The following FAM227B variants were observed in gnomAD, a reference collection of about 807,000 sequenced individuals.
FAM227B encodes the protein family with sequence similarity 227 member B, also known as protein FAM227B.
A neutral mutation model predicts 73.8 loss-of-function variants in FAM227B; 88 were observed. That is an observed-to-expected ratio of 1.19 (90% CI 1.00 to 1.42). The LOEUF is 1.42. FAM227B is among the 40% of genes most tolerant of loss of function. The pLI is 0.00. For missense variants in FAM227B, 632 were observed against 590.9 expected (o/e 1.07, Z -0.72); for synonymous variants, 210 against 190.5 (o/e 1.10, Z -0.84).
chr15:49,516,535 A>T (rs2059389595), intron 10 of FAM227B, among the ~76,000 whole-genome samples: 1 of 152,004 alleles, frequency 6.6e-6, no homozygotes, highest in South Asian at 2.1e-4. Flanking sequence ...TTTTTGGTAG[A>T]AGGGAGGGAG....
At position 49,335,598 on chromosome 15, in the gene FAM227B, T is replaced by C. The variant is rs1374869208; in HGVS notation, c.1272-102A>G. On this transcript the variant is annotated intron_variant, in intron 13 of 15. Coordinates refer to ENST00000299338, the MANE Select transcript of FAM227B (RefSeq NM_152647.3). Reference sequence around the variant, plus strand: ...CAAGGGGACCGTGTGACCTTCACTTTTCAGTAATGAAGAGTCTCAAGTATA... The same window carrying C: ...CAAGGGGACCGTGTGACCTTCACTTCTCAGTAATGAAGAGTCTCAAGTATA... 15 of 744,516 alleles carry C rather than the reference T, an allele frequency of 2.0e-5. No homozygotes were observed. In the East Asian group the frequency reaches 3.8e-4, roughly 19 times the overall value. The allele number at this position is 744,516 out of a possible 1,614,324, so 46.1% of individuals were successfully genotyped here.
chr15:49,406,407 T>G (rs979436579), intron 11 of FAM227B, among the ~76,000 whole-genome samples: 1 of 152,056 alleles, frequency 6.6e-6, no homozygotes, highest in Non-Finnish European at 1.5e-5. Context: ...TGCAGGCGGT[T>G]GCACTGTTGA....
intron 10 of FAM227B, among the ~76,000 whole-genome samples, chr15:49,532,346 C>A (rs992982134): frequency 2.6e-5 from 4 of 151,618 alleles, no homozygotes; most frequent in African/African-American, 9.7e-5. Flanking sequence ...AAACTCATAG[C>A]CTTGATTCTT....
At chr15:49,388,915 T>G (rs2047041070) in intron 11 of FAM227B, among the ~76,000 whole-genome samples, 1 of 151,884 alleles carries the variant, frequency 6.6e-6, no homozygotes, top group African/African-American at 2.4e-5. Context: ...ACCAGGGAAG[T>G]GCAAATTAAA....
At chr15:49,393,622 A>G (rs551608122) in intron 11 of FAM227B, among the ~76,000 whole-genome samples, 15 of 152,232 alleles carry the variant, frequency 9.9e-5, no homozygotes, top group Admixed American at 3.3e-4. Context: ...TTCTCAGTGA[A>G]TGAGAAATTA....
At chr15:49,534,642 A>G (rs2060874338) in intron 10 of FAM227B, among the ~76,000 whole-genome samples, 2 of 151,930 alleles carry the variant, frequency 1.3e-5, no homozygotes, top group African/African-American at 2.4e-5. Flanking sequence ...CAACAGCAGT[A>G]GATCACACAT....
chr15:49,549,049 G>T (rs1257841879), intron 9 of FAM227B, among the ~76,000 whole-genome samples: 1 of 151,622 alleles, frequency 6.6e-6, no homozygotes, highest in African/African-American at 2.4e-5. Context: ...CTAATTTTGG[G>T]TTTGGTTTGC....
At chr15:49,344,913 A>T (rs1350026443) in intron 13 of FAM227B, among the ~76,000 whole-genome samples, 1 of 152,206 alleles carries the variant, frequency 6.6e-6, no homozygotes, top group East Asian at 1.9e-4. Context: ...AGCTGCAGAA[A>T]ATTGAATATT....
rs755556675 is a variant in FAM227B at position 49,483,268 on chromosome 15, A to G, written c.1012+24943T>C. On this transcript the variant is annotated intron_variant, in intron 11 of 15. Coordinates refer to ENST00000299338, the MANE Select transcript of FAM227B (RefSeq NM_152647.3). ...CTCTATGCAAAGGTATTGATAATTG[A>G]TAGCTTAGGCTTAATTTTTAAAACT... 10 of 1,303,554 alleles carry G rather than the reference A, an allele frequency of 7.7e-6. No individual in the cohort carries two copies. The South Asian group carries it at 1.1e-4, about 14-fold the overall frequency. 80.7% of individuals were successfully genotyped at this position (1,303,554 alleles called of 1,614,324 possible). A position where few individuals can be genotyped will look rare whatever the true frequency, so the allele number is the denominator to read the frequency against.
intron 13 of FAM227B, among the ~76,000 whole-genome samples, chr15:49,360,247 AAAAAAAGTCTGTG>A (rs2043970331): frequency 6.6e-6 from 1 of 151,954 alleles, no homozygotes; most frequent in Non-Finnish European, 1.5e-5. Context: ...AAGGAAAAAA[AAAAAAAGTCTGTG>A]TATGCATGTG....
At chr15:49,591,527 C>T (rs1286644977) in intron 3 of FAM227B, among the ~76,000 whole-genome samples, 2 of 137,746 alleles carry the variant, frequency 1.5e-5, no homozygotes, top group Non-Finnish European at 3.1e-5. Flanking sequence ...GCTCTGTTGC[C>T]CAGGCTGGAG....
chr15:49,333,101 T>G (rs567021624), intron 14 of FAM227B, among the ~76,000 whole-genome samples: 3 of 152,238 alleles, frequency 2.0e-5, no homozygotes, highest in Admixed American at 2.0e-4. Context: ...TTAAAATCAC[T>G]CCCTCTTCCA....
chr15:49,589,943 AT>A lies in FAM227B; in HGVS notation c.169del (p.Ile57Ter). On this transcript the variant is annotated frameshift_variant, in exon 4 of 16. Coordinates refer to ENST00000299338, the MANE Select transcript of FAM227B (RefSeq NM_152647.3). LOFTEE classifies it high-confidence loss of function. ...DDKWSCTLKK[I>X]KEDSSFVSIY... ...TGAAACAAATGAACTATCTTCTTTT[AT>A]TTTTTTCAGAGTGCATGACCATTTA... The A allele has an allele frequency of 6.2e-7, 1 of 1,608,810 alleles. No homozygotes were observed. The highest frequency in any genetic ancestry group is 8.5e-7 in the Non-Finnish European group (1 of 1,175,356).
At chr15:49,609,719 A>T (rs2077760637) in intron 3 of FAM227B, among the ~76,000 whole-genome samples, 1 of 151,998 alleles carries the variant, frequency 6.6e-6, no homozygotes, top group Non-Finnish European at 1.5e-5. Context: ...AAAATTAAGC[A>T]TCTAGTCATT....
At chr15:49,600,682 A>T (rs1243265244) in intron 3 of FAM227B, among the ~76,000 whole-genome samples, 1 of 150,546 alleles carries the variant, frequency 6.6e-6, no homozygotes, top group Non-Finnish European at 1.5e-5. Flanking sequence ...CCAGCCAGCC[A>T]CTTAACATCT....
At chr15:49,521,078 T>C (rs1006758582) in intron 10 of FAM227B, among the ~76,000 whole-genome samples, 22 of 152,162 alleles carry the variant, frequency 1.4e-4, no homozygotes, top group African/African-American at 5.3e-4. Context: ...GCATGTGTGT[T>C]CACGCTCCCC....
Position 49,525,711 on chromosome 15 carries a change from T to TAC in FAM227B, c.874+15968_874+15969insGT, listed in dbSNP as rs1453800028. On this transcript the variant is annotated intron_variant, in intron 10 of 15. Transcript: ENST00000299338. ...ATATATATATATATATATATATATA[T>TAC]ATATATATCACAAACAGAGCACAAA... Among the ~76,000 whole-genome samples the TAC allele has an allele frequency of 3.3e-3, 208 of 63,174 alleles. 7 individuals carry two copies. Among genetic ancestry groups the TAC allele is most frequent in the African/African-American group, 0.01 (199 of 19,330 alleles). 41.4% of individuals were successfully genotyped at this position (63,174 alleles called of 152,430 possible).
chr15:49,424,194 T>G, intron 11 of FAM227B: 1 of 1,034,272 alleles, frequency 9.7e-7, no homozygotes. Context: ...CTTAAATCAA[T>G]CTACAATTCA....
chr15:49,554,978 G>GT (rs2073490894), intron 9 of FAM227B, among the ~76,000 whole-genome samples: 1 of 152,084 alleles, frequency 6.6e-6, no homozygotes, highest in South Asian at 2.1e-4. Context: ...GGGTATCACT[G>GT]TATGTGAGAT....
Sources: gnomAD v4.1 joint callset for allele counts (sites outside exome capture counted in the v4.1 genomes callset) on GRCh38, gnomAD v4.1.1 for gene constraint, MANE v1.5 for transcripts, NCBI Gene and HGNC (gene_info 2026-07-23, HGNC 2026-07-21) for gene names.